The following MAGED1 variants were observed in gnomAD, a reference collection of about 807,000 sequenced individuals.
MAGED1 encodes the protein MAGE family member D1, also known as melanoma-associated antigen D1.
In MAGED1, 3 loss-of-function variants were observed where a neutral mutation model predicts 54.1. The observed-to-expected ratio is 0.06, with a 90% CI of 0.03 to 0.14. The LOEUF is 0.14. MAGED1 is among the 10% of genes least tolerant of loss of function. MAGED1 has a pLI of 1.00. For synonymous variants in MAGED1, 217 were observed against 227.3 expected (o/e 0.95, Z 0.41); for missense variants, 485 against 623.4 (o/e 0.78, Z 2.36).
intron 1 of MAGED1, among the ~76,000 whole-genome samples, chrX:51,887,647 C>G (rs781795913): frequency 9.1e-5 from 10 of 110,163 alleles, no homozygotes; most frequent in Non-Finnish European, 1.9e-4. Flanking sequence ...CACCCGCCCC[C>G]CTGCCCCCTC....
intron 1 of MAGED1, among the ~76,000 whole-genome samples, chrX:51,844,125 T>TA (rs1422219000): frequency 8.9e-6 from 1 of 111,829 alleles, no homozygotes; most frequent in Admixed American, 9.5e-5. Context: ...GCTCCTCTCT[T>TA]AGATATGAGC....
chrX:51,822,605 T>C (rs782265788), intron 1 of MAGED1, among the ~76,000 whole-genome samples: 16 of 110,875 alleles, frequency 1.4e-4, no homozygotes, highest in African/African-American at 4.9e-4. Context: ...TTAATTAAGA[T>C]GAAAAGCTAG....
intron 1 of MAGED1, among the ~76,000 whole-genome samples, chrX:51,814,608 G>C (rs1925347311): frequency 9.0e-6 from 1 of 111,475 alleles, no homozygotes; most frequent in Admixed American, 9.6e-5. Context: ...GTCATGTACA[G>C]CATTATGATG....
At chrX:51,850,754 G>A (rs1005034533) in intron 1 of MAGED1, among the ~76,000 whole-genome samples, 11 of 110,515 alleles carry the variant, frequency 1.0e-4, no homozygotes, top group African/African-American at 3.6e-4. Context: ...CAAAAAATTA[G>A]CCAGGCATGG....
At chrX:51,806,324 C>A (rs1454216035) in intron 1 of MAGED1, among the ~76,000 whole-genome samples, 2 of 111,589 alleles carry the variant, frequency 1.8e-5, no homozygotes, top group Non-Finnish European at 3.8e-5. Context: ...GCATCAAGAT[C>A]GGGAAATTTT....
intron 1 of MAGED1, among the ~76,000 whole-genome samples, chrX:51,817,647 A>G (rs1925482291): frequency 8.9e-6 from 1 of 111,974 alleles, no homozygotes; most frequent in Non-Finnish European, 1.9e-5. Flanking sequence ...AGCTTTTTCT[A>G]GATGTACAGG....
chrX:51,816,544 C>T lies in MAGED1; in HGVS notation c.-37+13427C>T, dbSNP rs1925434337. On this transcript the variant is annotated intron_variant, in intron 1 of 12. Transcript: ENST00000375772. ...TTGCCTACAGTATTCAGTACAGTAA[C>T]CTGCTGTACTGGTGTGTAGTCTAGG... 4.5e-5 allele frequency among the ~76,000 whole-genome samples: 5 copies of T among 111,612 alleles called. No homozygotes were observed. In the Admixed American group the frequency reaches 4.7e-4, roughly 11 times the overall value.
chrX:51,825,908 T>A (rs1925836643), intron 1 of MAGED1, among the ~76,000 whole-genome samples: 1 of 112,397 alleles, frequency 8.9e-6, no homozygotes, highest in South Asian at 3.7e-4. Context: ...GGAGGGGCTT[T>A]TAGTATGGGT....
intron 1 of MAGED1, among the ~76,000 whole-genome samples, chrX:51,805,965 C>CTTTTTTTTTTTTTTTTTTTTTTTTTTTT (rs57427122): frequency 2.7e-5 from 1 of 36,948 alleles, no homozygotes; most frequent in Non-Finnish European, 4.3e-5. Flanking sequence ...CTTTTCTTTT[C>CTTTTTTTTTTTTTTTTTTTTTTTTTTTT]TTTTTTTTTT....
rs1376273974 is a variant in MAGED1 at position 51,896,587 on chromosome X, A to G, written c.932A>G (p.Gln311Arg). 3 of 1,211,648 alleles carry G rather than the reference A, an allele frequency of 2.5e-6. No homozygotes were observed. Among genetic ancestry groups the G allele is most frequent in the East Asian group, 3.0e-5 (1 of 33,821 alleles). The change falls in exon 4 of 13, where the codon CAG (glutamine) becomes CGG (arginine). Residue 311 changes from glutamine (Q) to arginine (R), a missense_variant. Physicochemically the swap from Gln to Arg is conservative, Grantham distance 43 (BLOSUM62 1). Coordinates refer to ENST00000326587, the MANE Select transcript of MAGED1 (RefSeq NM_006986.4). The part of the protein sequence containing the change: ...AWQNPSGWQN[Q>R]TARQTPPARQ... ...CAGAACCCCTCAGGCTGGCAAAACC[A>G]GACAGCCAGGCAGACCCCACCAGCA...
intron 1 of MAGED1, among the ~76,000 whole-genome samples, chrX:51,808,722 G>T (rs782343461): frequency 1.2e-4 from 13 of 111,327 alleles, no homozygotes; most frequent in Non-Finnish European, 2.3e-4. Context: ...AAAAAAAATA[G>T]TAAAATAAAC....
At chrX:51,803,331 C>G (rs782609437) in intron 1 of MAGED1, among the ~76,000 whole-genome samples, 30 of 110,554 alleles carry the variant, frequency 2.7e-4, no homozygotes, top group Middle Eastern at 4.7e-3. Flanking sequence ...CTCACCTCCT[C>G]ACTCTGGTGG....
chrX:51,812,940 T>G (rs1406469706), intron 1 of MAGED1, among the ~76,000 whole-genome samples: 1 of 109,684 alleles, frequency 9.1e-6, no homozygotes, highest in African/African-American at 3.3e-5. Flanking sequence ...TTTTTTTTTT[T>G]TAAATTACAA....
At chrX:51,851,885 C>T (rs1557359791) in intron 1 of MAGED1, among the ~76,000 whole-genome samples, 1 of 111,531 alleles carries the variant, frequency 9.0e-6, no homozygotes, top group Non-Finnish European at 1.9e-5. Context: ...AAAGTGAAAC[C>T]ACAGATAAGG....
At chrX:51,841,610 G>A (rs1278420925) in intron 1 of MAGED1, among the ~76,000 whole-genome samples, 2 of 111,799 alleles carry the variant, frequency 1.8e-5, no homozygotes, top group African/African-American at 6.5e-5. Context: ...ATTAGTTTTT[G>A]TATAAGGTGT....
chrX:51,897,290 C>T lies in MAGED1; in HGVS notation c.1486+19C>T, dbSNP rs187272451. 1.4e-4 allele frequency: 163 copies of T among 1,187,869 alleles called. No homozygotes were observed. In the East Asian group the frequency reaches 3.7e-3, roughly 27 times the overall value. On this transcript the variant is annotated intron_variant, in intron 5 of 12. Coordinates refer to ENST00000326587, the MANE Select transcript of MAGED1 (RefSeq NM_006986.4). ...CGCTCAGGTATGCATCCAGTGTCCC[C>T]TCCCCAAGCTCTGCCCTTCCCTTCA... is the stretch of plus-strand genomic sequence containing the variant.
chrX:51,817,194 G>A (rs2146954088), intron 1 of MAGED1, among the ~76,000 whole-genome samples: 1 of 111,828 alleles, frequency 8.9e-6, no homozygotes, highest in South Asian at 3.8e-4. Context: ...TATACCCCCA[G>A]TTAAAATAGG....
intron 11 of MAGED1, 45 bp from the exon 12 acceptor site, chrX:51,901,508 G>T: frequency 9.0e-7 from 1 of 1,106,732 alleles, no homozygotes; most frequent in South Asian, 2.4e-5. Flanking sequence ...CCATATCTTG[G>T]CTATTGTAAA....
At chrX:51,805,965 C>CTTTTTTTTT (rs57427122) in intron 1 of MAGED1, among the ~76,000 whole-genome samples, 223 of 36,911 alleles carry the variant, frequency 6.0e-3, no homozygotes, top group Non-Finnish European at 7.5e-3. Context: ...CTTTTCTTTT[C>CTTTTTTTTT]TTTTTTTTTT....
Sources: gnomAD v4.1 joint callset for allele counts (sites outside exome capture counted in the v4.1 genomes callset) on GRCh38, gnomAD v4.1.1 for gene constraint, MANE v1.5 for transcripts, NCBI Gene and HGNC (gene_info 2026-07-23, HGNC 2026-07-21) for gene names.